MIPOL1: variants seen among roughly 807,000 people sequenced by gnomAD.
MIPOL1 encodes the protein mirror-image polydactyly 1, also known as mirror-image polydactyly gene 1 protein.
Under a neutral mutation model 60.9 loss-of-function variants are expected in MIPOL1, and 57 were observed. The observed-to-expected ratio is 0.94, with a 90% CI of 0.76 to 1.17. MIPOL1 has a LOEUF of 1.17. Among genes scored for constraint, MIPOL1 ranks in the 50% most tolerant of loss-of-function variants. The probability of loss-of-function intolerance (pLI) is 0.00; values close to 1 mark genes in which losing one functional copy is unlikely to be tolerated. For synonymous variants in MIPOL1, 179 were observed against 168.8 expected (o/e 1.06, Z -0.47); for missense variants, 551 against 511.6 (o/e 1.08, Z -0.74).
intron 7 of MIPOL1, among the ~76,000 whole-genome samples, chr14:37,298,113 A>G (rs565851204): frequency 6.6e-6 from 1 of 152,326 alleles, no homozygotes; most frequent in East Asian, 1.9e-4. Flanking sequence ...ATATAGACCA[A>G]TGGAACAAAA....
chr14:37,462,409 G>C (rs2094550414), intron 11 of MIPOL1, among the ~76,000 whole-genome samples: 2 of 152,208 alleles, frequency 1.3e-5, no homozygotes, highest in South Asian at 4.1e-4. Context: ...AGGGGCTGCT[G>C]TGAAGACCTC....
At chr14:37,306,586 A>G (rs2086802827) in intron 7 of MIPOL1, among the ~76,000 whole-genome samples, 1 of 151,784 alleles carries the variant, frequency 6.6e-6, no homozygotes, top group South Asian at 2.1e-4. Flanking sequence ...ATAACATAAG[A>G]TAAATATTTC....
intron 1 of MIPOL1, among the ~76,000 whole-genome samples, chr14:37,211,965 G>A (rs1966854235): frequency 6.6e-6 from 1 of 151,886 alleles, no homozygotes; most frequent in African/African-American, 2.4e-5. Flanking sequence ...ACACACCCAG[G>A]GCCAGAAGGG....
At chr14:37,499,864 A>G (rs1355673304) in intron 11 of MIPOL1, 44 bp from the exon 12 acceptor site, 5 of 1,012,346 alleles carry the variant, frequency 4.9e-6, no homozygotes. Flanking sequence ...TAGATCACTC[A>G]GTTTACATTA....
chr14:37,370,514 C>T (rs2092610414), intron 10 of MIPOL1, among the ~76,000 whole-genome samples: 1 of 152,074 alleles, frequency 6.6e-6, no homozygotes, highest in Admixed American at 6.6e-5. Flanking sequence ...CTGCATATTA[C>T]AGAGCAATAT....
intron 10 of MIPOL1, among the ~76,000 whole-genome samples, chr14:37,386,870 T>C (rs929690579): frequency 2.0e-5 from 3 of 151,966 alleles, no homozygotes; most frequent in African/African-American, 7.2e-5. Context: ...TACTCCATAA[T>C]GGCTACACAT....
intron 1 of MIPOL1, among the ~76,000 whole-genome samples, chr14:37,218,934 A>G (rs917396432): frequency 1.3e-5 from 2 of 151,680 alleles, no homozygotes; most frequent in African/African-American, 4.8e-5. Context: ...CAAAAAAAAA[A>G]AAAAAAAAGA....
chr14:37,481,045 A>T (rs1180876856), intron 11 of MIPOL1, among the ~76,000 whole-genome samples: 1 of 152,126 alleles, frequency 6.6e-6, no homozygotes, highest in Non-Finnish European at 1.5e-5. Context: ...GAAGGCTGAC[A>T]CAGGAGGATT....
chr14:37,245,696 A>T (rs924038629), intron 1 of MIPOL1, among the ~76,000 whole-genome samples: 3 of 152,170 alleles, frequency 2.0e-5, no homozygotes, highest in African/African-American at 7.2e-5. Flanking sequence ...TTTTTTGAAG[A>T]AGTAAACATT....
chr14:37,224,355 T>C (rs1378567512), intron 1 of MIPOL1, among the ~76,000 whole-genome samples: 3 of 152,124 alleles, frequency 2.0e-5, no homozygotes, highest in Non-Finnish European at 4.4e-5. Context: ...TAGTCCACTT[T>C]CATGCTGCTG....
Position 37,495,346 on chromosome 14 carries a change from G to T in MIPOL1, c.1032-4562G>T, listed in dbSNP as rs1015935925. 2.9e-5 allele frequency among the ~76,000 whole-genome samples: 4 copies of T among 138,406 alleles called. No individual in the cohort carries two copies. In the South Asian group the frequency reaches 9.1e-4, roughly 32 times the overall value. The allele number at this position is 138,406 out of a possible 152,430, so 90.8% of individuals were successfully genotyped here. A position where few individuals can be genotyped will look rare whatever the true frequency, so the allele number is the denominator to read the frequency against. On this transcript the variant is annotated intron_variant, in intron 11 of 12. Coordinates refer to ENST00000684589, the MANE Select transcript of MIPOL1 (RefSeq NM_001388067.1). ...CTTCCTGTGTCCATGTGATCTCATT[G>T]TTCAATTCCCACCTATGAGTGAGAC...
At chr14:37,322,099 A>T (rs1011997528) in intron 9 of MIPOL1, among the ~76,000 whole-genome samples, 1 of 152,038 alleles carries the variant, frequency 6.6e-6, no homozygotes, top group Non-Finnish European at 1.5e-5. Context: ...TGATGCATTC[A>T]TGTAAATGCA....
chr14:37,495,758 G>A (rs1411155938), intron 11 of MIPOL1, among the ~76,000 whole-genome samples: 10 of 150,692 alleles, frequency 6.6e-5, no homozygotes, highest in Non-Finnish European at 1.2e-4. Context: ...CAGTGTAAAA[G>A]TGTTCCTATT....
chr14:37,488,957 T>C (rs1036126607), intron 11 of MIPOL1, among the ~76,000 whole-genome samples: 6 of 152,200 alleles, frequency 3.9e-5, no homozygotes, highest in African/African-American at 1.4e-4. Context: ...TGGTGTTCTC[T>C]GTATTTTTTG....
At chr14:37,249,059 A>G (rs2153358766) in intron 3 of MIPOL1, among the ~76,000 whole-genome samples, 1 of 152,180 alleles carries the variant, frequency 6.6e-6, no homozygotes, top group Admixed American at 6.6e-5. Flanking sequence ...AGAGCAGCAG[A>G]CATAAGGGAG....
chr14:37,495,477 T>A (rs1292367481), intron 11 of MIPOL1, among the ~76,000 whole-genome samples: 1 of 150,952 alleles, frequency 6.6e-6, no homozygotes, highest in African/African-American at 2.4e-5. Context: ...TTTTTATGGC[T>A]GCATAGTATC....
intron 12 of MIPOL1, among the ~76,000 whole-genome samples, chr14:37,541,234 C>A (rs2095528431): frequency 6.6e-6 from 1 of 152,176 alleles, no homozygotes; most frequent in Non-Finnish European, 1.5e-5. Flanking sequence ...TGCTTTTTAG[C>A]CTCAACACAA....
chr14:37,279,078 C>G (rs985983550), intron 6 of MIPOL1, among the ~76,000 whole-genome samples: 1 of 151,130 alleles, frequency 6.6e-6, no homozygotes, highest in Non-Finnish European at 1.5e-5. Context: ...GTTTTACCTA[C>G]AATATAAGTA....
intron 12 of MIPOL1, among the ~76,000 whole-genome samples, chr14:37,541,442 C>T (rs75467416): frequency 3.3e-4 from 50 of 152,116 alleles, no homozygotes; most frequent in Non-Finnish European, 6.6e-4. Flanking sequence ...ACTTGCTTTC[C>T]GCAAACCTAC....
Sources: allele counts gnomAD v4.1 joint callset (sites outside exome capture counted in the v4.1 genomes callset), GRCh38; gene constraint gnomAD v4.1.1; transcripts MANE v1.5; gene names NCBI Gene and HGNC (gene_info 2026-07-23, HGNC 2026-07-21).